ABTB3: variants seen among roughly 807,000 people sequenced by gnomAD.
The protein encoded by ABTB3 is ankyrin repeat and BTB domain containing 3.
At chr12:107,325,420 G>A in the ABTB3 span, among the ~76,000 whole-genome samples, 82,590 of 151,568 alleles carry the variant, frequency 0.54, 22,878 homozygotes, top group East Asian at 0.72. Context: ...CAGTATCTGT[G>A]CTCACAGAGC....
chr12:107,331,448 A>G, the ABTB3 span, among the ~76,000 whole-genome samples: 1 of 152,156 alleles, frequency 6.6e-6, no homozygotes, highest in Non-Finnish European at 1.5e-5. Context: ...AAGCCTCCTT[A>G]GACTGCGGGG....
At chr12:107,474,258 T>G in the ABTB3 span, among the ~76,000 whole-genome samples, 238 of 152,246 alleles carry the variant, frequency 1.6e-3, 2 homozygotes, top group South Asian at 0.012. Context: ...CCGTGTTTAT[T>G]GAGCATGGAT....
the ABTB3 span, among the ~76,000 whole-genome samples, chr12:107,478,810 A>T: frequency 1.3e-5 from 2 of 152,044 alleles, no homozygotes; most frequent in African/African-American, 2.4e-5. Flanking sequence ...GCCCTGAATG[A>T]GAAGGATTCC....
At chr12:107,530,654 G>C in the ABTB3 span, among the ~76,000 whole-genome samples, 13 of 151,916 alleles carry the variant, frequency 8.6e-5, 1 homozygote, top group Admixed American at 8.5e-4. Context: ...TCTTTTTTTG[G>C]TATTGCAGTT....
the ABTB3 span, among the ~76,000 whole-genome samples, chr12:107,474,188 C>T: frequency 5.3e-5 from 8 of 152,234 alleles, no homozygotes; most frequent in East Asian, 1.9e-4. Context: ...TATCTGGGAG[C>T]GGAATGGCTG....
chr12:107,345,933 T>A, the ABTB3 span, among the ~76,000 whole-genome samples: 284 of 152,328 alleles, frequency 1.9e-3, 3 homozygotes, highest in East Asian at 0.045. Flanking sequence ...CAAGACATTA[T>A]CTCAATTAAT....
At chr12:107,478,630 T>C in the ABTB3 span, among the ~76,000 whole-genome samples, 1 of 152,198 alleles carries the variant, frequency 6.6e-6, no homozygotes, top group Non-Finnish European at 1.5e-5. Context: ...ATGTCTTGCA[T>C]TCAGAAAGGA....
chr12:107,479,547 G>A, the ABTB3 span, among the ~76,000 whole-genome samples: 2 of 152,000 alleles, frequency 1.3e-5, no homozygotes, highest in Non-Finnish European at 2.9e-5. Context: ...CACTAAGTAG[G>A]TGTTTGCCGT....
the ABTB3 span, among the ~76,000 whole-genome samples, chr12:107,497,132 C>G: frequency 2.6e-5 from 4 of 152,096 alleles, no homozygotes; most frequent in Admixed American, 6.5e-5. Flanking sequence ...ATCGTTACCT[C>G]CACCATCATC....
At chr12:107,428,450 C>T in the ABTB3 span, among the ~76,000 whole-genome samples, 7 of 152,208 alleles carry the variant, frequency 4.6e-5, no homozygotes, top group African/African-American at 1.7e-4. Flanking sequence ...AAGTTAACAC[C>T]CCAGGAGCAC....
chr12:107,502,067 C>A, the ABTB3 span, among the ~76,000 whole-genome samples: 1 of 140,526 alleles, frequency 7.1e-6, no homozygotes, highest in Non-Finnish European at 1.6e-5. Context: ...GGCATTGGTA[C>A]TTTTTTTTTT....
the ABTB3 span, among the ~76,000 whole-genome samples, chr12:107,568,465 C>A: frequency 6.6e-6 from 1 of 152,136 alleles, no homozygotes; most frequent in African/African-American, 2.4e-5. Flanking sequence ...ATTGTACTGA[C>A]CCAAAAGACA....
chr12:107,387,931 C>A, the ABTB3 span, among the ~76,000 whole-genome samples: 3 of 151,560 alleles, frequency 2.0e-5, no homozygotes, highest in African/African-American at 7.3e-5. Flanking sequence ...CCTCCTCCTA[C>A]TCCTCTCCTT....
At chr12:107,621,928 G>A in the ABTB3 span, among the ~76,000 whole-genome samples, 5 of 152,144 alleles carry the variant, frequency 3.3e-5, no homozygotes, top group Non-Finnish European at 5.9e-5. Flanking sequence ...TGCTCCCATC[G>A]TTTAATAGTC....
chr12:107,389,551 C>T, the ABTB3 span, among the ~76,000 whole-genome samples: 2 of 152,126 alleles, frequency 1.3e-5, no homozygotes, highest in African/African-American at 2.4e-5. Flanking sequence ...TGGATTTGGC[C>T]TCCTCCAACA....
chr12:107,434,870 A>G, the ABTB3 span, among the ~76,000 whole-genome samples: 37 of 140,512 alleles, frequency 2.6e-4, no homozygotes, highest in African/African-American at 4.7e-4. Context: ...TTGTCTTGGG[A>G]AAAAAAAAAA....
chr12:107,343,819 G>A, the ABTB3 span, among the ~76,000 whole-genome samples: 182 of 152,218 alleles, frequency 1.2e-3, no homozygotes, highest in Middle Eastern at 3.4e-3. Flanking sequence ...AAGTGTGAGC[G>A]CAGGAAAAAG....
At chr12:107,631,589 A>G in the ABTB3 span, among the ~76,000 whole-genome samples, 1 of 152,162 alleles carries the variant, frequency 6.6e-6, no homozygotes, top group Non-Finnish European at 1.5e-5. Flanking sequence ...AGAGTACCAC[A>G]TTACACTTCA....
chr12:107,348,628 G>A, the ABTB3 span, among the ~76,000 whole-genome samples: 1 of 152,236 alleles, frequency 6.6e-6, no homozygotes, highest in South Asian at 2.1e-4. Context: ...GAGAGGCTGA[G>A]GTGGGAAGAT....
Sources: gnomAD v4.1 joint callset for allele counts (sites outside exome capture counted in the v4.1 genomes callset) on GRCh38, gnomAD v4.1.1 for gene constraint, MANE v1.5 for transcripts, NCBI Gene and HGNC (gene_info 2026-07-23, HGNC 2026-07-21) for gene names.